Variants in CDKAL1 observed in about 807,000 individuals in gnomAD.
CDKAL1 encodes the protein threonylcarbamoyladenosine tRNA methylthiotransferase.
Under a neutral mutation model 68.2 loss-of-function variants are expected in CDKAL1, and 32 were observed. The ratio of observed to expected loss-of-function variants is 0.47; its 90% CI spans 0.35 to 0.63. CDKAL1 has a LOEUF of 0.63. CDKAL1 is among the 30% of genes least tolerant of loss of function. The probability of loss-of-function intolerance (pLI) is 0.00; values close to 1 mark genes in which losing one functional copy is unlikely to be tolerated. For synonymous variants in CDKAL1, 234 were observed against 244.3 expected (o/e 0.96, Z 0.39); for missense variants, 606 against 696.7 (o/e 0.87, Z 1.47).
chr6:20,688,602 T>C (rs1168404555), intron 5 of CDKAL1, among the ~76,000 whole-genome samples: 2 of 152,226 alleles, frequency 1.3e-5, no homozygotes, highest in Non-Finnish European at 2.9e-5. Flanking sequence ...ATGTTTTTTG[T>C]TCTGTTTTAG....
At chr6:20,538,057 C>G (rs1033476707) in intron 2 of CDKAL1, among the ~76,000 whole-genome samples, 1 of 152,106 alleles carries the variant, frequency 6.6e-6, no homozygotes, top group South Asian at 2.1e-4. Flanking sequence ...ATTGCTGGCT[C>G]GAAGGATATA....
In CDKAL1 at chr6:20,933,639, C is replaced by T. The variant is rs144946415; in HGVS notation, c.743-21780C>T. On this transcript the variant is annotated intron_variant, in intron 9 of 15. Transcript: ENST00000274695. ...GATGGGTAATTAAATCCATGTGAAG[C>T]ATTTTGTAACTAATTGCTATGTTCT... Among the ~76,000 whole-genome samples, 113 of 152,270 alleles carry T rather than the reference C, an allele frequency of 7.4e-4. No homozygotes were observed. In the East Asian group the frequency reaches 7.5e-3, roughly 10 times the overall value.
At chr6:20,999,612 G>A (rs1767311187) in intron 10 of CDKAL1, among the ~76,000 whole-genome samples, 1 of 146,684 alleles carries the variant, frequency 6.8e-6, no homozygotes, top group Non-Finnish European at 1.5e-5. Flanking sequence ...CCTCACTGTC[G>A]GGTCATGTGC....
At chr6:20,609,538 GGTGT>G (rs1766520052) in intron 4 of CDKAL1, among the ~76,000 whole-genome samples, 2 of 151,668 alleles carry the variant, frequency 1.3e-5, no homozygotes, top group African/African-American at 4.8e-5. Context: ...TAGGATTACA[GGTGT>G]GCACCACCAC....
At chr6:20,621,497 C>CG (rs1561973852) in intron 4 of CDKAL1, among the ~76,000 whole-genome samples, 1 of 152,074 alleles carries the variant, frequency 6.6e-6, no homozygotes, top group South Asian at 2.1e-4. Flanking sequence ...CTGAAGGAGT[C>CG]GGGGGGTTGT....
intron 4 of CDKAL1, among the ~76,000 whole-genome samples, chr6:20,647,423 C>T (rs1768525836): frequency 6.6e-6 from 1 of 152,184 alleles, no homozygotes. Context: ...CACCCTTTAC[C>T]TACTTGCATA....
At chr6:20,622,159 C>G (rs1581840715) in intron 4 of CDKAL1, among the ~76,000 whole-genome samples, 1 of 151,652 alleles carries the variant, frequency 6.6e-6, no homozygotes, top group Non-Finnish European at 1.5e-5. Context: ...TTACCTTTTT[C>G]TTTTGTTTAG....
intron 12 of CDKAL1, among the ~76,000 whole-genome samples, chr6:21,092,355 T>A (rs901355691): frequency 6.6e-6 from 1 of 151,664 alleles, no homozygotes; most frequent in Non-Finnish European, 1.5e-5. Flanking sequence ...CTGTCAACCC[T>A]TCATCTAGGT....
intron 9 of CDKAL1, among the ~76,000 whole-genome samples, chr6:20,852,836 A>T (rs112807827): frequency 4.2e-4 from 64 of 152,336 alleles, no homozygotes; most frequent in African/African-American, 1.4e-3. Flanking sequence ...GCCCTGTTTA[A>T]TGAGGCCTTT....
intron 11 of CDKAL1, among the ~76,000 whole-genome samples, chr6:21,027,265 G>A (rs550238854): frequency 1.2e-3 from 177 of 152,006 alleles, no homozygotes; most frequent in African/African-American, 3.8e-3. Flanking sequence ...AATCTTCTTC[G>A]TCTACTTCAA....
intron 4 of CDKAL1, among the ~76,000 whole-genome samples, chr6:20,636,318 G>A (rs912458070): frequency 6.6e-6 from 1 of 152,174 alleles, no homozygotes; most frequent in Non-Finnish European, 1.5e-5. Flanking sequence ...CCTGTTTGGA[G>A]TCTTGGATCT....
intron 4 of CDKAL1, among the ~76,000 whole-genome samples, chr6:20,607,149 G>A (rs1420855674): frequency 6.6e-6 from 1 of 152,016 alleles, no homozygotes; most frequent in Non-Finnish European, 1.5e-5. Flanking sequence ...GAGTAAAAGG[G>A]CAAAAAAGAA....
intron 8 of CDKAL1, among the ~76,000 whole-genome samples, chr6:20,833,607 G>A (rs758904552): frequency 2.0e-5 from 3 of 151,992 alleles, no homozygotes; most frequent in Non-Finnish European, 2.9e-5. Flanking sequence ...AGAACAGGAT[G>A]ATGCAATGAA....
Position 20,758,604 on chromosome 6 carries a change from A to G in CDKAL1, c.478A>G (p.Ile160Val). ...KGLSIIGVQQ[I>V]DRVVEVVEET... is the part of the protein sequence containing the mutation. ...TTTTTTTTTTTTCCAGGTTCAGCAG[A>G]TAGATCGTGTGGTAGAAGTTGTGGA... The change falls in exon 7 of 16, where the codon ATA becomes GTA. Residue 160 changes from isoleucine (I) to valine (V), a missense_variant. Physicochemically the swap from Ile to Val is conservative, Grantham distance 29 (BLOSUM62 3). Coordinates refer to ENST00000274695, the MANE Select transcript of CDKAL1 (RefSeq NM_017774.3). 2 of 1,606,646 alleles carry G rather than the reference A, an allele frequency of 1.2e-6. No individual in the cohort carries two copies. Among genetic ancestry groups the G allele is most frequent in the South Asian group, 1.1e-5 (1 of 89,044 alleles).
At chr6:21,093,694 C>CTTTTTTTTTTTTTTTTTTT (rs547923386) in intron 12 of CDKAL1, among the ~76,000 whole-genome samples, 2 of 88,086 alleles carry the variant, frequency 2.3e-5, no homozygotes, top group African/African-American at 9.1e-5. Context: ...GCTGCTGCTG[C>CTTTTTTTTTTTTTTTTTTT]TTTTTTTTTT....
chr6:20,886,279 G>A (rs1761062971), intron 9 of CDKAL1, among the ~76,000 whole-genome samples: 1 of 152,176 alleles, frequency 6.6e-6, no homozygotes, highest in African/African-American at 2.4e-5. Context: ...ATACATTGCT[G>A]TGAATAGTAG....
intron 2 of CDKAL1, among the ~76,000 whole-genome samples, chr6:20,544,980 TG>T (rs1763540362): frequency 6.6e-6 from 1 of 151,914 alleles, no homozygotes; most frequent in African/African-American, 2.4e-5. Context: ...TGTGTGTGTG[TG>T]TGTGTGTGTG....
chr6:20,613,040 CACACAAA>C (rs1766698307), intron 4 of CDKAL1, among the ~76,000 whole-genome samples: 1 of 106,760 alleles, frequency 9.4e-6, no homozygotes, highest in Non-Finnish European at 1.9e-5. Context: ...CACACACACA[CACACAAA>C]GGGTATGGAT....
intron 8 of CDKAL1, among the ~76,000 whole-genome samples, chr6:20,813,822 C>T (rs1320777293): frequency 1.3e-5 from 2 of 152,150 alleles, no homozygotes; most frequent in Non-Finnish European, 2.9e-5. Flanking sequence ...ACTAGTTTCA[C>T]ACGGAGTTGA....
Sources: gnomAD v4.1 joint callset for allele counts (sites outside exome capture counted in the v4.1 genomes callset) on GRCh38, gnomAD v4.1.1 for gene constraint, MANE v1.5 for transcripts, NCBI Gene and HGNC (gene_info 2026-07-23, HGNC 2026-07-21) for gene names.